TMEM266: variants seen among roughly 807,000 people sequenced by gnomAD.
TMEM266 encodes Hv1 related protein 1.
A neutral mutation model predicts 50.5 loss-of-function variants in TMEM266; 33 were observed. The observed-to-expected ratio is 0.65, with a 90% CI of 0.50 to 0.87. TMEM266 has a LOEUF of 0.87. TMEM266 is among the 40% of genes least tolerant of loss of function. The pLI is 0.00. For missense variants in TMEM266, 655 were observed against 695.1 expected (o/e 0.94, Z 0.65); for synonymous variants, 310 against 292.3 (o/e 1.06, Z -0.62).
At chr15:76,106,156 C>T (rs543158366) in intron 1 of TMEM266, among the ~76,000 whole-genome samples, 1 of 152,268 alleles carries the variant, frequency 6.6e-6, no homozygotes, top group Non-Finnish European at 1.5e-5. Flanking sequence ...TCCCATCCCC[C>T]AGCCCCTGCA....
chr15:76,078,482 C>T (rs1361562799), intron 1 of TMEM266, among the ~76,000 whole-genome samples: 2 of 152,128 alleles, frequency 1.3e-5, no homozygotes, highest in Non-Finnish European at 2.9e-5. Flanking sequence ...AAACTTGAAG[C>T]CACATCCTGA....
chr15:76,192,697 C>T (rs994410578), intron 9 of TMEM266, among the ~76,000 whole-genome samples: 2 of 152,268 alleles, frequency 1.3e-5, no homozygotes, highest in East Asian at 1.9e-4. Context: ...GATGGGAACA[C>T]GAGCGATAGC....
Position 76,160,172 on chromosome 15 carries a change from G to C in TMEM266, c.456+4G>C, listed in dbSNP as rs1254622979. 6.2e-7 allele frequency: 1 copy of C among 1,613,414 alleles called. No homozygotes were observed. Among genetic ancestry groups the C allele is most frequent in the East Asian group, 2.2e-5 (1 of 44,898 alleles). On this transcript the variant is annotated splice_donor_region_variant and intron_variant, in intron 5 of 10. Transcript: ENST00000388942. This position sits in a 1 kb window ranked among gnomAD's most constrained non-coding sequence, Gnocchi z 5.7. The stretch of plus-strand genomic sequence containing the variant: ...TCTGTCCGTGTTCTTCTCAGAGGTA[G>C]GTGGAGACTCTGGCCCTGTCACCTC...
chr15:76,111,802 A>T (rs138484331), intron 1 of TMEM266, among the ~76,000 whole-genome samples: 31 of 152,394 alleles, frequency 2.0e-4, no homozygotes, highest in Non-Finnish European at 3.8e-4. Context: ...GTTGAAATTG[A>T]TGACTGTACA....
At chr15:76,115,685 C>G (rs2037236752) in intron 1 of TMEM266, among the ~76,000 whole-genome samples, 1 of 152,212 alleles carries the variant, frequency 6.6e-6, no homozygotes, top group South Asian at 2.1e-4. Context: ...GGGTGGGGGC[C>G]TGTCAATATG....
intron 1 of TMEM266, among the ~76,000 whole-genome samples, chr15:76,081,378 G>A (rs1452626492): frequency 1.3e-5 from 2 of 152,118 alleles, no homozygotes; most frequent in African/African-American, 2.4e-5. Context: ...TTATTTCTTA[G>A]TTCATTCATA....
chr15:76,171,154 G>T, intron 7 of TMEM266, 23 bp downstream of exon 7: 1 of 1,610,438 alleles, frequency 6.2e-7, no homozygotes, highest in South Asian at 1.1e-5. Flanking sequence ...AGGGGGGTGT[G>T]GTCAGTGGGG....
At chr15:76,130,255 C>CCCA in intron 1 of TMEM266, among the ~76,000 whole-genome samples, 1 of 64,026 alleles carries the variant, frequency 1.6e-5, no homozygotes, top group Non-Finnish European at 3.3e-5. Context: ...AAAAAAAAAA[C>CCCA]CGCCGGGTGC....
intron 9 of TMEM266, among the ~76,000 whole-genome samples, 172 bp downstream of exon 9, chr15:76,192,329 T>C (rs955153712): frequency 6.6e-6 from 1 of 151,846 alleles, no homozygotes; most frequent in African/African-American, 2.4e-5. Context: ...GTACTGCCTG[T>C]CAGAGCCCAG....
At chr15:76,068,480 C>CA (rs1410078871) in intron 1 of TMEM266, among the ~76,000 whole-genome samples, 2 of 152,102 alleles carry the variant, frequency 1.3e-5, no homozygotes, top group Non-Finnish European at 2.9e-5. Context: ...GTTTCCCCTC[C>CA]AAAAAATATA....
intron 1 of TMEM266, among the ~76,000 whole-genome samples, chr15:76,119,199 C>A (rs567035738): frequency 2.0e-5 from 3 of 151,978 alleles, no homozygotes; most frequent in African/African-American, 7.2e-5. Context: ...TCCTAAAATT[C>A]TTCTCCTTTG....
intron 1 of TMEM266, among the ~76,000 whole-genome samples, chr15:76,096,469 G>A (rs914494775): frequency 1.3e-5 from 2 of 152,060 alleles, no homozygotes; most frequent in Admixed American, 6.5e-5. Context: ...ACTGTGGTCT[G>A]AGAGACTGTT....
chr15:76,064,006 G>T (rs1166440175), intron 1 of TMEM266, among the ~76,000 whole-genome samples: 2 of 152,174 alleles, frequency 1.3e-5, no homozygotes, highest in African/African-American at 4.8e-5. Context: ...TGACGAGGCA[G>T]CAAATGGTAC....
At chr15:76,086,112 A>G (rs962240458) in intron 1 of TMEM266, among the ~76,000 whole-genome samples, 1 of 152,176 alleles carries the variant, frequency 6.6e-6, no homozygotes, top group African/African-American at 2.4e-5. Context: ...CAAATTGGAA[A>G]TGATTGAATT....
At position 76,094,757 on chromosome 15, in the gene TMEM266, G is replaced by A. The variant is rs558893461; in HGVS notation, c.-97+34741G>A. 2.6e-5 allele frequency among the ~76,000 whole-genome samples: 4 copies of A among 152,152 alleles called. No individual in the cohort carries two copies. The Middle Eastern group carries it at 0.01, about 388-fold the overall frequency. On this transcript the variant is annotated intron_variant, in intron 1 of 10. Coordinates refer to ENST00000388942, the MANE Select transcript of TMEM266 (RefSeq NM_152335.3). ...TTCTTCCTATCCATGAGCATGGAAT[G>A]TTTTTCCATTTGTTTTTGTCCTCTC...
At chr15:76,100,585 G>T (rs1168701785) in intron 1 of TMEM266, among the ~76,000 whole-genome samples, 3 of 152,222 alleles carry the variant, frequency 2.0e-5, no homozygotes, top group Non-Finnish European at 4.4e-5. Flanking sequence ...TAGGTGTTTG[G>T]TCAATGTTGA....
At chr15:76,172,055 A>G (rs1047614860) in intron 7 of TMEM266, among the ~76,000 whole-genome samples, 1 of 152,110 alleles carries the variant, frequency 6.6e-6, no homozygotes, top group South Asian at 2.1e-4. Flanking sequence ...GGCCCACCCC[A>G]CCTCAGCCAG....
In TMEM266 at chr15:76,203,779, A is replaced by C. The variant is rs1230255649; in HGVS notation, c.1060A>C (p.Thr354Pro). 1 of 1,614,066 alleles carries C rather than the reference A, an allele frequency of 6.2e-7. No homozygotes were observed. The highest frequency in any genetic ancestry group is 1.7e-5 in the Admixed American group (1 of 60,018). ...AGAGCCAGCTGTGTGTATGGTCACCACGGCCGCAATAGACATTCACCAGCC... is the reference window on the plus strand; with the variant it reads ...AGAGCCAGCTGTGTGTATGGTCACCCCGGCCGCAATAGACATTCACCAGCC... Residue 354 changes from threonine to proline, a missense_variant, in exon 11 of 11, where the codon ACG becomes CCG. Around this residue, in one of 3 missense-constraint regions of TMEM266, gnomAD observed 455 missense variants for 401.8 expected, o/e 1.13. Coordinates refer to ENST00000388942, the MANE Select transcript of TMEM266 (RefSeq NM_152335.3).
chr15:76,134,144 A>G (rs2037554638), intron 1 of TMEM266, 24 bp from the exon 2 acceptor site: 2 of 1,095,232 alleles, frequency 1.8e-6, no homozygotes, highest in Non-Finnish European at 2.7e-6. Context: ...TCTGAAGGTA[A>G]TAAGTTCCTA....
Sources: gnomAD v4.1 joint callset for allele counts (sites outside exome capture counted in the v4.1 genomes callset) on GRCh38, gnomAD v4.1.1 for gene constraint, gnomAD v4.1.1 regional missense constraint, Gnocchi (gnomAD v3.1) non-coding constraint, MANE v1.5 for transcripts, NCBI Gene and HGNC (gene_info 2026-07-23, HGNC 2026-07-21) for gene names.